The following DIS3L2 variants were observed in gnomAD, a reference collection of about 807,000 sequenced individuals.
DIS3L2 encodes the protein DIS3 like 3'-5' exoribonuclease 2, also known as DIS3-like exonuclease 2.
In DIS3L2, 34 loss-of-function variants were observed where a neutral mutation model predicts 97.5. That is an observed-to-expected ratio of 0.35 (90% CI 0.27 to 0.46). The LOEUF is 0.46. Among genes scored for constraint, DIS3L2 ranks in the 20% least tolerant of loss-of-function variants. The pLI is 1.00. For missense variants in DIS3L2, 1,038 were observed against 1,146.0 expected, an observed-to-expected ratio of 0.91 and a Z score of 1.36; for synonymous variants, 435 against 445.2, an observed-to-expected ratio of 0.98 and a Z score of 0.29.
chr2:232,138,053 C>T (rs746648438), intron 8 of DIS3L2, among the ~76,000 whole-genome samples: 5 of 152,184 alleles, frequency 3.3e-5, no homozygotes, highest in South Asian at 2.1e-4. Context: ...TGTTTTTTAT[C>T]TGCCTTTCTG....
At chr2:232,147,357 C>T (rs918162402) in intron 8 of DIS3L2, among the ~76,000 whole-genome samples, 6 of 152,140 alleles carry the variant, frequency 3.9e-5, no homozygotes, top group African/African-American at 1.4e-4. Flanking sequence ...CCCTTCTCTC[C>T]TCCTCCAAAA....
intron 14 of DIS3L2, among the ~76,000 whole-genome samples, chr2:232,300,876 A>C (rs1367899065): frequency 6.6e-6 from 1 of 151,188 alleles, no homozygotes; most frequent in Non-Finnish European, 1.5e-5. Context: ...TTGGTCTTGA[A>C]CTCCTGAGCT....
At chr2:232,338,119 CTG>C (rs754544000), downstream of DIS3L2, among the ~76,000 whole-genome samples, 1 of 151,964 alleles carries the variant, frequency 6.6e-6, no homozygotes, top group Non-Finnish European at 1.5e-5. Context: ...GGCAGCCTGA[CTG>C]TGAGAGCCCC....
chr2:232,172,609 A>G, intron 9 of DIS3L2: 2 of 479,416 alleles, frequency 4.2e-6, no homozygotes, highest in South Asian at 1.5e-5. Flanking sequence ...ATTTGTGTAC[A>G]GGTTTTGGTG....
chr2:231,976,751 A>G (rs1693106709), intron 1 of DIS3L2, among the ~76,000 whole-genome samples: 1 of 148,156 alleles, frequency 6.7e-6, no homozygotes, highest in South Asian at 2.1e-4. Flanking sequence ...TGGCAAAATC[A>G]TTTAACACGA....
At chr2:232,321,349 G>T (rs140023458) in intron 14 of DIS3L2, among the ~76,000 whole-genome samples, 1,922 of 152,282 alleles carry the variant, frequency 0.013, 33 homozygotes, top group African/African-American at 0.04. Flanking sequence ...ATGCCTGGAT[G>T]CATTGCCCAG....
At chr2:232,026,301 C>G (rs72987659) in intron 4 of DIS3L2, among the ~76,000 whole-genome samples, 2,219 of 152,054 alleles carry the variant, frequency 0.015, 23 homozygotes, top group Non-Finnish European at 0.021. Context: ...GCCAAATACA[C>G]CTTCATATAC....
chr2:232,259,089 A>T (rs548069100), intron 12 of DIS3L2, among the ~76,000 whole-genome samples: 1 of 152,096 alleles, frequency 6.6e-6, no homozygotes, highest in Non-Finnish European at 1.5e-5. Flanking sequence ...TCAAGCTTCT[A>T]CCTCAGCCCT....
Position 232,325,639 on chromosome 2 carries a change from G to A in DIS3L2, c.1740-4174G>A, listed in dbSNP as rs1329494285. ...TCCAGAGTGGTGGGGCCCTGGTGGT[G>A]CAGGTTCCAGACGCTTGGCTGATGC... On this transcript the variant is annotated intron_variant, in intron 14 of 20. Transcript: ENST00000325385. This position sits in a 1 kb window ranked among gnomAD's most constrained non-coding sequence, Gnocchi z 4.6. 1.3e-5 allele frequency among the ~76,000 whole-genome samples: 2 copies of A among 152,198 alleles called. No homozygotes were observed. Among genetic ancestry groups the A allele is most frequent in the Non-Finnish European group, 2.9e-5 (2 of 68,026 alleles).
chr2:232,330,757 T>A lies in DIS3L2; in HGVS notation c.1991T>A (p.Met664Lys), dbSNP rs1553550935. The A allele has an allele frequency of 6.2e-7, 1 of 1,612,424 alleles. No homozygotes were observed. The highest frequency in any genetic ancestry group is 1.7e-5 in the Admixed American group (1 of 60,034). ...GCCCGCAAGGAGGTGCTCACCAACA[T>A]GTGCTCCCGGCCCATGCAGGTAAGG... Reference protein sequence around the residue: ...SLARKEVLTNMCSRPMQMALY... With the variant: ...SLARKEVLTNKCSRPMQMALY... The change falls in exon 16 of 21, where the codon ATG becomes AAG. Residue 664 changes from methionine (M) to lysine (K), a missense_variant. Physicochemically the swap from Met to Lys is moderately conservative, Grantham distance 95. This residue lies in a region of DIS3L2 where 813 missense variants were observed against 880.1 expected (regional missense o/e 0.92). Coordinates refer to ENST00000325385, the MANE Select transcript of DIS3L2 (RefSeq NM_152383.5).
chr2:232,305,693 G>T (rs1694970800), intron 14 of DIS3L2, among the ~76,000 whole-genome samples: 1 of 152,022 alleles, frequency 6.6e-6, no homozygotes, highest in African/African-American at 2.4e-5. Flanking sequence ...AGTGGCTCAC[G>T]CCTGTAATCC....
chr2:231,968,315 C>T (rs1692787875), intron 1 of DIS3L2, among the ~76,000 whole-genome samples: 1 of 152,184 alleles, frequency 6.6e-6, no homozygotes, highest in South Asian at 2.1e-4. Context: ...CTAGGATGGT[C>T]TTGATCTCCT....
chr2:232,134,871 GCACACA>G (rs141691233), intron 7 of DIS3L2, among the ~76,000 whole-genome samples: 2 of 149,672 alleles, frequency 1.3e-5, no homozygotes, highest in South Asian at 2.1e-4. Context: ...TTGTGTGTGC[GCACACA>G]CACACACACA....
chr2:232,155,251 C>T (rs890123247), intron 8 of DIS3L2, among the ~76,000 whole-genome samples: 10 of 151,890 alleles, frequency 6.6e-5, no homozygotes. Flanking sequence ...TCTAAAGGTC[C>T]AATAACTGGT....
intron 5 of DIS3L2, among the ~76,000 whole-genome samples, chr2:232,086,937 C>T (rs1696675963): frequency 6.6e-6 from 1 of 151,858 alleles, no homozygotes; most frequent in Non-Finnish European, 1.5e-5. Context: ...GCCTCAGCCT[C>T]CCAAAAGTGC....
chr2:232,239,237 A>G (rs1313523614), intron 11 of DIS3L2, among the ~76,000 whole-genome samples: 2 of 152,212 alleles, frequency 1.3e-5, no homozygotes, highest in East Asian at 1.9e-4. Flanking sequence ...AAATGAAGGG[A>G]CTGGACAGAT....
chr2:232,076,810 C>CA (rs1480132357), intron 5 of DIS3L2, among the ~76,000 whole-genome samples: 3 of 152,088 alleles, frequency 2.0e-5, no homozygotes, highest in Admixed American at 6.5e-5. Flanking sequence ...CATATTTTCT[C>CA]ACGTTTTCTA....
chr2:231,990,595 C>T, intron 1 of DIS3L2, among the ~76,000 whole-genome samples: 1 of 152,132 alleles, frequency 6.6e-6, no homozygotes, highest in East Asian at 1.9e-4. Flanking sequence ...GAAACAATTT[C>T]CACCTTATAA....
At chr2:232,254,142 C>T (rs775021464) in intron 12 of DIS3L2, among the ~76,000 whole-genome samples, 79 of 152,258 alleles carry the variant, frequency 5.2e-4, no homozygotes, top group Non-Finnish European at 1.0e-3. Flanking sequence ...CATTCTGAAC[C>T]CAGTCCGTAA....
Sources: allele counts gnomAD v4.1 joint callset (sites outside exome capture counted in the v4.1 genomes callset), GRCh38; gene constraint gnomAD v4.1.1; regional missense constraint gnomAD v4.1.1; non-coding constraint Gnocchi (gnomAD v3.1); transcripts MANE v1.5; gene names NCBI Gene and HGNC (gene_info 2026-07-23, HGNC 2026-07-21).